MOXD1: variants seen among roughly 807,000 people sequenced by gnomAD.
MOXD1 encodes monooxygenase DBH like 1, also known as DBH-like monooxygenase protein 1.
A neutral mutation model predicts 66.6 loss-of-function variants in MOXD1; 62 were observed. That is an observed-to-expected ratio of 0.93 (90% CI 0.76 to 1.15). The LOEUF is 1.15. MOXD1 is among the 50% of genes most tolerant of loss of function. MOXD1 has a pLI of 0.00. For synonymous variants in MOXD1, 303 were observed against 281.9 expected (o/e 1.07, Z -0.75); for missense variants, 847 against 754.6 (o/e 1.12, Z -1.44).
In MOXD1 at chr6:132,345,052, C is replaced by T. The variant is rs188552655; in HGVS notation, c.664-16458G>A. Among the ~76,000 whole-genome samples, 14 of 152,298 alleles carry T rather than the reference C, an allele frequency of 9.2e-5. No individual in the cohort carries two copies. The East Asian group carries it at 9.6e-4, about 10-fold the overall frequency. Reference sequence around the variant, plus strand: ...CAGAGCCAGGCCAACCCAGGGGCCACGGTCCAGAGTGGGGCAATGGGAACA... The same window carrying T: ...CAGAGCCAGGCCAACCCAGGGGCCATGGTCCAGAGTGGGGCAATGGGAACA... On this transcript the variant is annotated intron_variant, in intron 4 of 11. Coordinates refer to ENST00000367963, the MANE Select transcript of MOXD1 (RefSeq NM_015529.4).
At chr6:132,299,406 A>T (rs1569523) in intron 10 of MOXD1, among the ~76,000 whole-genome samples, 21 of 152,028 alleles carry the variant, frequency 1.4e-4, no homozygotes, top group African/African-American at 5.1e-4. Context: ...AAACCTAAAC[A>T]TGCATCCCTT....
intron 1 of MOXD1, among the ~76,000 whole-genome samples, chr6:132,398,550 T>C (rs1372240103): frequency 1.3e-5 from 2 of 152,162 alleles, no homozygotes; most frequent in African/African-American, 4.8e-5. Context: ...GCCAATGTTT[T>C]TTGTGTCATT....
intron 10 of MOXD1, among the ~76,000 whole-genome samples, chr6:132,313,556 C>G (rs959348000): frequency 6.6e-6 from 1 of 152,160 alleles, no homozygotes; most frequent in Non-Finnish European, 1.5e-5. Flanking sequence ...TCTCCTTCAT[C>G]ATCTGCATTT....
rs149173657 is a variant in MOXD1 at position 132,370,482 on chromosome 6, G to A, written c.663+2126C>T. Among the ~76,000 whole-genome samples the A allele has an allele frequency of 4.3e-3, 653 of 151,966 alleles. 19 individuals are homozygous for A. The highest frequency in any genetic ancestry group is 0.038 in the Admixed American group (572 of 15,246). ...ATATCCTATTTTAGTTAATTTTCAA[G>A]GAAAATGTTTCATAATACTTAATAA... On this transcript the variant is annotated intron_variant, in intron 4 of 11. Coordinates refer to ENST00000367963, the MANE Select transcript of MOXD1 (RefSeq NM_015529.4).
intron 4 of MOXD1, among the ~76,000 whole-genome samples, chr6:132,353,507 G>A (rs1454616019): frequency 6.6e-6 from 1 of 152,164 alleles, no homozygotes; most frequent in African/African-American, 2.4e-5. Context: ...CTTCTCGCTT[G>A]TAGGGTTTCT....
chr6:132,396,837 C>T (rs962918002), intron 1 of MOXD1, among the ~76,000 whole-genome samples: 14 of 152,144 alleles, frequency 9.2e-5, no homozygotes, highest in African/African-American at 3.1e-4. Flanking sequence ...AACTAAAAAA[C>T]CTGAATAGAC....
intron 1 of MOXD1, among the ~76,000 whole-genome samples, chr6:132,400,199 T>C (rs537512577): frequency 6.6e-6 from 1 of 152,288 alleles, no homozygotes; most frequent in Non-Finnish European, 1.5e-5. Flanking sequence ...AGAACACTGA[T>C]TTAAATACTA....
intron 1 of MOXD1, among the ~76,000 whole-genome samples, chr6:132,382,522 TA>T (rs1230909954): frequency 1.3e-5 from 2 of 152,154 alleles, no homozygotes; most frequent in African/African-American, 4.8e-5. Flanking sequence ...ATTGATTATG[TA>T]TTTAGCTTGT....
At chr6:132,332,715 G>T (rs1775348551) in intron 4 of MOXD1, among the ~76,000 whole-genome samples, 1 of 152,194 alleles carries the variant, frequency 6.6e-6, no homozygotes, top group African/African-American at 2.4e-5. Flanking sequence ...TACAAAGCCT[G>T]ATCAAGCCAG....
At chr6:132,342,637 G>A (rs1279584179) in intron 4 of MOXD1, among the ~76,000 whole-genome samples, 1 of 152,042 alleles carries the variant, frequency 6.6e-6, no homozygotes, top group Non-Finnish European at 1.5e-5. Flanking sequence ...CATCTCTATA[G>A]GTATGAGCTG....
intron 1 of MOXD1, among the ~76,000 whole-genome samples, chr6:132,399,333 C>G (rs951468): frequency 0.2 from 30,528 of 151,918 alleles, 3,209 homozygotes; most frequent in Middle Eastern, 0.26. Context: ...TAAAAATGGA[C>G]GGGAAGTCCT....
At chr6:132,326,234 A>C (rs747348334) in intron 6 of MOXD1, among the ~76,000 whole-genome samples, 1 of 151,994 alleles carries the variant, frequency 6.6e-6, no homozygotes, top group Non-Finnish European at 1.5e-5. Flanking sequence ...ATTTATAAAA[A>C]TAAAATTACT....
At position 132,391,409 on chromosome 6, in the gene MOXD1, G is replaced by A. The variant is rs1009540804; in HGVS notation, c.264+9754C>T. The A allele has an allele frequency of 7.2e-5, 11 of 152,084 alleles. No homozygotes were observed. In the South Asian group the frequency reaches 8.3e-4, roughly 11 times the overall value. 9.4% of individuals were successfully genotyped at this position (152,084 alleles called of 1,614,324 possible). A position where few individuals can be genotyped will look rare whatever the true frequency, so the allele number is the denominator to read the frequency against. ...AAATTATTTTTGCAGACATTTTTGCGTATATGCTATATGGTGTCCTTATGA... is the reference window on the plus strand; with the variant it reads ...AAATTATTTTTGCAGACATTTTTGCATATATGCTATATGGTGTCCTTATGA... On this transcript the variant is annotated intron_variant, in intron 1 of 11. Transcript: ENST00000367963.
At chr6:132,395,650 C>G (rs574754078) in intron 1 of MOXD1, among the ~76,000 whole-genome samples, 162 of 152,168 alleles carry the variant, frequency 1.1e-3, no homozygotes, top group Non-Finnish European at 1.8e-3. Flanking sequence ...ACCTGTAAAG[C>G]CATATACTAA....
intron 4 of MOXD1, among the ~76,000 whole-genome samples, chr6:132,354,145 T>C (rs1775862630): frequency 6.6e-6 from 1 of 152,222 alleles, no homozygotes; most frequent in African/African-American, 2.4e-5. Flanking sequence ...CCTGAATTCT[T>C]CTTCAGGTTA....
At chr6:132,332,954 G>A (rs1775354563) in intron 4 of MOXD1, among the ~76,000 whole-genome samples, 1 of 151,988 alleles carries the variant, frequency 6.6e-6, no homozygotes, top group Non-Finnish European at 1.5e-5. Context: ...GATGTGCTGG[G>A]TAACTGTCCA....
chr6:132,401,330 A>G lies in MOXD1; in HGVS notation c.97T>C (p.Ser33Pro). The change falls in exon 1 of 12, where the codon TCG becomes CCG. Residue 33 changes from serine to proline, a missense_variant. Physicochemically the swap from Ser to Pro is moderately conservative, Grantham distance 74. Coordinates refer to ENST00000367963, the MANE Select transcript of MOXD1 (RefSeq NM_015529.4). ...RTYPHRTLLDSEGKYWLGWSQ... is the reference protein window; with the variant it reads ...RTYPHRTLLDPEGKYWLGWSQ... Reference sequence around the variant, plus strand: ...CAGCCCAGCCAGTACTTGCCCTCCGAGTCCAGGAGGGTCCGGTGCGGATAG... The same window carrying G: ...CAGCCCAGCCAGTACTTGCCCTCCGGGTCCAGGAGGGTCCGGTGCGGATAG... 1 of 1,587,514 alleles carries G rather than the reference A, an allele frequency of 6.3e-7. No homozygotes were observed.
Position 132,374,740 on chromosome 6 carries a change from TC to T in MOXD1, c.301del (p.Asp101MetfsTer8), listed in dbSNP as rs1201862767. ...TTCTAGATGGTAATCTTGCTGAGCATCTTTTTTCAACTCTCTATTTGCATTT... is the reference window on the plus strand; with the variant it reads ...TTCTAGATGGTAATCTTGCTGAGCATTTTTTTCAACTCTCTATTTGCATTT... ...FTNANRELKK[D>X]AQQDYHLEYA... is the part of the protein sequence containing the mutation. On this transcript the variant is annotated frameshift_variant, in exon 2 of 12. Transcript: ENST00000367963. LOFTEE classifies it high-confidence loss of function. 11 of 1,613,980 alleles carry T rather than the reference TC, an allele frequency of 6.8e-6. No homozygotes were observed. The highest frequency in any genetic ancestry group is 9.3e-6 in the Non-Finnish European group (11 of 1,179,878).
chr6:132,336,475 C>G (rs994994747), intron 4 of MOXD1, among the ~76,000 whole-genome samples: 3 of 152,194 alleles, frequency 2.0e-5, no homozygotes, highest in Non-Finnish European at 4.4e-5. Context: ...CCTCTCTCTC[C>G]ATGTCTCCTG....
Sources: allele counts gnomAD v4.1 joint callset (sites outside exome capture counted in the v4.1 genomes callset), GRCh38; gene constraint gnomAD v4.1.1; transcripts MANE v1.5; gene names NCBI Gene and HGNC (gene_info 2026-07-23, HGNC 2026-07-21).